Variants in EFCAB13 observed in about 807,000 individuals in gnomAD.
EFCAB13 encodes the protein EF-hand calcium-binding domain-containing protein 13.
In EFCAB13, 91 loss-of-function variants were observed where a neutral mutation model predicts 110.2. The observed-to-expected ratio is 0.83, with a 90% confidence interval of 0.70 to 0.98. The LOEUF is 0.98. Among genes scored for constraint, EFCAB13 ranks in the 50% least tolerant of loss-of-function variants. EFCAB13 has a pLI of 0.00. For synonymous variants in EFCAB13, 323 were observed against 369.9 expected, an observed-to-expected ratio of 0.87 and a Z score of 1.45; for missense variants, 968 against 1,119.4, an observed-to-expected ratio of 0.86 and a Z score of 1.93.
Position 47,347,864 on chromosome 17 carries a change from A to G in EFCAB13, c.574A>G (p.Asn192Asp). Residue 192 changes from asparagine (N) to aspartate (D), a missense_variant, in exon 9 of 25, where the codon AAT (asparagine) becomes GAT (aspartate). Coordinates refer to ENST00000331493, the MANE Select transcript of EFCAB13 (RefSeq NM_152347.5). Reference protein sequence around the residue: ...SKIRSGKIYVNDLPVILCILR... With the variant: ...SKIRSGKIYVDDLPVILCILR... ...AATTCGAAGTGGTAAGATTTATGTG[A>G]ATGATCTTCCAGTGATCCTTTGCAT... 6.4e-7 allele frequency: 1 copy of G among 1,550,742 alleles called. No individual in the cohort carries two copies. The highest frequency in any genetic ancestry group is 8.8e-7 in the Non-Finnish European group (1 of 1,138,368).
At chr17:47,394,990 A>G (rs2065729200) in intron 16 of EFCAB13, among the ~76,000 whole-genome samples, 1 of 151,676 alleles carries the variant, frequency 6.6e-6, no homozygotes, top group Non-Finnish European at 1.5e-5. Flanking sequence ...TGTCTTCTTT[A>G]TTGGTTCCAT....
chr17:47,397,965 TG>T (rs1324853090), intron 17 of EFCAB13, among the ~76,000 whole-genome samples: 4 of 119,354 alleles, frequency 3.4e-5, no homozygotes, highest in African/African-American at 1.3e-4. Context: ...GGGAGGGAGG[TG>T]GGGGGGTCAG....
intron 5 of EFCAB13, among the ~76,000 whole-genome samples, chr17:47,336,432 T>C (rs1299831764): frequency 6.6e-6 from 1 of 151,786 alleles, no homozygotes; most frequent in Admixed American, 6.6e-5. Context: ...GCTGGGATTA[T>C]AGGCGACCAC....
rs2065263973 is a variant in EFCAB13 at position 47,323,963 on chromosome 17, G to T, written c.-429G>T. The T allele has an allele frequency of 6.5e-6, 1 of 152,844 alleles. No individual in the cohort carries two copies. The highest frequency in any genetic ancestry group is 2.1e-4 in the South Asian group (1 of 4,840). 9.5% of individuals were successfully genotyped at this position (152,844 alleles called of 1,614,324 possible). ...CGCGGGGGCGGGGCCGCGCGGCGCG[G>T]GATCCTGGGAAGGCTGCAGAGCTAG... On this transcript the variant is annotated 5_prime_UTR_variant, in exon 1 of 25. Transcript: ENST00000331493.
At chr17:47,383,477 G>A (rs966693604) in intron 14 of EFCAB13, among the ~76,000 whole-genome samples, 1 of 152,094 alleles carries the variant, frequency 6.6e-6, no homozygotes, top group South Asian at 2.1e-4. Context: ...CTGGTACATT[G>A]TGTCTTTGTT....
At chr17:47,401,770 G>A (rs1033018096) in intron 17 of EFCAB13, among the ~76,000 whole-genome samples, 3 of 148,308 alleles carry the variant, frequency 2.0e-5, no homozygotes, top group Admixed American at 6.9e-5. Context: ...TCAGCCTCCC[G>A]AGTAGCTGGG....
chr17:47,385,171 G>A (rs1448470858), intron 14 of EFCAB13, among the ~76,000 whole-genome samples: 1 of 152,080 alleles, frequency 6.6e-6, no homozygotes, highest in Non-Finnish European at 1.5e-5. Context: ...TGTATTTCCT[G>A]AATTTGAATG....
At chr17:47,368,409 CTG>C (rs1028682794) in intron 10 of EFCAB13, among the ~76,000 whole-genome samples, 8 of 152,276 alleles carry the variant, frequency 5.3e-5, no homozygotes, top group East Asian at 1.9e-4. Flanking sequence ...AAGGAGCAGA[CTG>C]TGGAGCAAAG....
chr17:47,406,828 A>T (rs530088404), intron 20 of EFCAB13, among the ~76,000 whole-genome samples: 1 of 152,192 alleles, frequency 6.6e-6, no homozygotes, highest in African/African-American at 2.4e-5. Flanking sequence ...CACTAAATGA[A>T]TCTTCTCTCT....
chr17:47,337,886 T>C (rs8066329), intron 5 of EFCAB13, among the ~76,000 whole-genome samples: 550 of 152,252 alleles, frequency 3.6e-3, no homozygotes, highest in African/African-American at 0.012. Flanking sequence ...CATTGTTAGG[T>C]TAATTTGTGG....
intron 15 of EFCAB13, among the ~76,000 whole-genome samples, chr17:47,392,532 G>T: frequency 6.6e-6 from 1 of 152,126 alleles, no homozygotes; most frequent in East Asian, 1.9e-4. Flanking sequence ...CTAAAAGAGT[G>T]TGAGAATGGC....
At chr17:47,356,024 T>C (rs2065479028) in intron 9 of EFCAB13, among the ~76,000 whole-genome samples, 1 of 152,154 alleles carries the variant, frequency 6.6e-6, no homozygotes, top group South Asian at 2.1e-4. Context: ...TTTCTTTAAG[T>C]GTGTCCTTCA....
In EFCAB13 at chr17:47,440,549, A is replaced by G; in HGVS notation, c.2757A>G (p.Gln919=). Reference sequence around the variant, plus strand: ...CTTATTGCCCAGATCTAGAAAGGCAAGCAGTGGTTTACATGTTAAAAACAA... The same window carrying G: ...CTTATTGCCCAGATCTAGAAAGGCAGGCAGTGGTTTACATGTTAAAAACAA... ...ICTYCPDLER[Q]AVVYMLKTIQ... is the part of the protein sequence containing the mutation. The change falls in exon 25 of 25, where the codon CAA becomes CAG. Residue 919 remains glutamine (Q), a synonymous_variant. Transcript: ENST00000331493. The G allele has an allele frequency of 6.2e-7, 1 of 1,613,404 alleles. No homozygotes were observed. Among genetic ancestry groups the G allele is most frequent in the Non-Finnish European group, 8.5e-7 (1 of 1,179,654 alleles).
At chr17:47,325,222 C>A (rs540732912) in intron 2 of EFCAB13, among the ~76,000 whole-genome samples, 33 of 151,130 alleles carry the variant, frequency 2.2e-4, no homozygotes, top group African/African-American at 7.8e-4. Context: ...TCACTGTTGC[C>A]CAGGCTGGTC....
chr17:47,394,070 G>A lies in EFCAB13; in HGVS notation c.1772G>A (p.Ser591Asn). Residue 591 changes from serine (S) to asparagine (N), a missense_variant, in exon 16 of 25, where the codon AGC becomes AAC. Ser to Asn is a conservative substitution (Grantham distance 46). Transcript: ENST00000331493. ...AAAGAATTCATTGATACTATGATGA[G>A]CAACACGGAATGCTTCTCTGAAAAA... ...NFKEFIDTMMSNTECFSEKLV... is the reference protein window; with the variant it reads ...NFKEFIDTMMNNTECFSEKLV... 1.3e-6 allele frequency: 2 copies of A among 1,546,686 alleles called. No homozygotes were observed. The highest frequency in any genetic ancestry group is 2.6e-5 in the South Asian group (2 of 77,076).
At chr17:47,407,278 A>G (rs940450785) in intron 20 of EFCAB13, among the ~76,000 whole-genome samples, 1 of 152,186 alleles carries the variant, frequency 6.6e-6, no homozygotes, top group African/African-American at 2.4e-5. Context: ...AGAATAAAGA[A>G]AAGGGTTATT....
Position 47,328,292 on chromosome 17 carries a change from A to G in EFCAB13, c.-62A>G. The G allele has an allele frequency of 7.1e-7, 1 of 1,403,022 alleles. No individual in the cohort carries two copies. Among genetic ancestry groups the G allele is most frequent in the Non-Finnish European group, 1.0e-6 (1 of 989,810 alleles). 86.9% of individuals were successfully genotyped at this position (1,403,022 alleles called of 1,614,324 possible). On this transcript the variant is annotated 5_prime_UTR_variant, in exon 4 of 25. Transcript: ENST00000331493. The stretch of plus-strand genomic sequence containing the variant: ...AGGAAATCCTTTTGTACTATTGCTC[A>G]TTCATACTTGTTCATCAAAGCCTGG...
chr17:47,413,378 G>C (rs1347534481), intron 22 of EFCAB13, among the ~76,000 whole-genome samples: 1 of 152,054 alleles, frequency 6.6e-6, no homozygotes, highest in African/African-American at 2.4e-5. Flanking sequence ...TTTGTTTTCT[G>C]TCTTTGACTT....
chr17:47,324,378 G>C (rs2065267942), intron 1 of EFCAB13, 76 bp from the exon 2 acceptor site: 1 of 152,244 alleles, frequency 6.6e-6, no homozygotes, highest in African/African-American at 2.4e-5. Context: ...GGGAGGCGGA[G>C]ACCTCTATTA....
Sources: allele counts gnomAD v4.1 joint callset (sites outside exome capture counted in the v4.1 genomes callset), GRCh38; gene constraint gnomAD v4.1.1; transcripts MANE v1.5; gene names NCBI Gene and HGNC (gene_info 2026-07-23, HGNC 2026-07-21).